Variants in NELL2 observed in about 807,000 individuals in gnomAD.
The protein encoded by NELL2 is neural EGFL like 2.
A neutral mutation model predicts 109.6 loss-of-function variants in NELL2; 41 were observed. The observed-to-expected ratio is 0.37, with a 90% CI of 0.29 to 0.49. The LOEUF (loss-of-function observed/expected upper bound fraction) is 0.49, where lower values mean the gene tolerates loss of function less well. Ranked by LOEUF, NELL2 falls within the 20% of genes least tolerant of loss-of-function variation. NELL2 has a pLI of 0.98. For synonymous variants in NELL2, 355 were observed against 344.7 expected, an observed-to-expected ratio of 1.03 and a Z score of -0.33; for missense variants, 900 against 1,008.3, an observed-to-expected ratio of 0.89 and a Z score of 1.45.
At chr12:44,768,586 C>G (rs1037058685) in intron 9 of NELL2, among the ~76,000 whole-genome samples, 1 of 152,052 alleles carries the variant, frequency 6.6e-6, no homozygotes, top group Admixed American at 6.6e-5. Flanking sequence ...TGAGAAAAGA[C>G]CGTCCAGACC....
chr12:44,902,878 C>T (rs756650505), intron 1 of NELL2, among the ~76,000 whole-genome samples: 20 of 152,152 alleles, frequency 1.3e-4, no homozygotes, highest in Non-Finnish European at 2.6e-4. Flanking sequence ...GTACCCCTTC[C>T]TTATACCTTA....
Position 44,825,556 on chromosome 12 carries a change from C to T in NELL2, c.185-9420G>A, listed in dbSNP as rs112775455. Among the ~76,000 whole-genome samples, 1,244 of 150,462 alleles carry T rather than the reference C, an allele frequency of 8.3e-3. 17 individuals are homozygous for T. Among genetic ancestry groups the T allele is most frequent in the African/African-American group, 0.028 (1,163 of 41,260 alleles). ...AGCTACAGGTGCGTGCCACCATGCCCAGCTAATTTTTGTATTTTTAGTAGA... is the reference window on the plus strand; with the variant it reads ...AGCTACAGGTGCGTGCCACCATGCCTAGCTAATTTTTGTATTTTTAGTAGA... On this transcript the variant is annotated intron_variant, in intron 2 of 19. Coordinates refer to ENST00000429094, the MANE Select transcript of NELL2 (RefSeq NM_001145108.2).
At chr12:44,848,481 G>A (rs1175488168) in intron 2 of NELL2, among the ~76,000 whole-genome samples, 1 of 152,052 alleles carries the variant, frequency 6.6e-6, no homozygotes, top group Non-Finnish European at 1.5e-5. Flanking sequence ...GCAACAGGTG[G>A]GCAAAGGATA....
intron 9 of NELL2, among the ~76,000 whole-genome samples, chr12:44,729,251 G>A (rs1939237199): frequency 6.6e-6 from 1 of 151,722 alleles, no homozygotes; most frequent in Non-Finnish European, 1.5e-5. Context: ...GAGTAAATAG[G>A]TATATGGAAA....
chr12:44,580,055 T>C (rs1324328003), intron 15 of NELL2, among the ~76,000 whole-genome samples: 8 of 152,210 alleles, frequency 5.3e-5, no homozygotes, highest in Admixed American at 2.6e-4. Flanking sequence ...TCAGAATTTT[T>C]CTTGGGATGG....
At chr12:44,547,036 T>C (rs1942825248) in intron 15 of NELL2, among the ~76,000 whole-genome samples, 1 of 152,158 alleles carries the variant, frequency 6.6e-6, no homozygotes, top group South Asian at 2.1e-4. Context: ...ATTTATATGG[T>C]GATAGGAGAC....
intron 3 of NELL2, among the ~76,000 whole-genome samples, chr12:44,784,610 A>G (rs1268370284): frequency 1.3e-5 from 2 of 152,176 alleles, no homozygotes; most frequent in African/African-American, 4.8e-5. Flanking sequence ...TCCCTGATCA[A>G]CATCCATGTG....
intron 16 of NELL2, among the ~76,000 whole-genome samples, chr12:44,528,463 A>G (rs571829840): frequency 6.6e-6 from 1 of 152,342 alleles, no homozygotes; most frequent in African/African-American, 2.4e-5. Flanking sequence ...CTACATATAC[A>G]TATCCAGTAT....
chr12:44,735,441 G>C (rs994622400), intron 9 of NELL2, among the ~76,000 whole-genome samples: 3 of 151,816 alleles, frequency 2.0e-5, no homozygotes, highest in African/African-American at 7.2e-5. Context: ...GAAAAACCAA[G>C]ATAACTGCTG....
At chr12:44,558,446 C>T (rs1565923083) in intron 15 of NELL2, among the ~76,000 whole-genome samples, 3 of 152,200 alleles carry the variant, frequency 2.0e-5, no homozygotes, top group Non-Finnish European at 4.4e-5. Context: ...TCTGCATTTC[C>T]AACTGAGGTA....
chr12:44,668,188 C>T (rs2136344587), intron 12 of NELL2, among the ~76,000 whole-genome samples: 1 of 152,278 alleles, frequency 6.6e-6, no homozygotes, highest in African/African-American at 2.4e-5. Flanking sequence ...CTAGTCCACA[C>T]AATGTCCTAC....
At chr12:44,809,220 C>T (rs1943095945) in intron 3 of NELL2, among the ~76,000 whole-genome samples, 1 of 151,936 alleles carries the variant, frequency 6.6e-6, no homozygotes. Context: ...AAGAAGGAAA[C>T]AGTTTCTTTG....
chr12:44,720,506 T>G (rs539432961), intron 9 of NELL2, among the ~76,000 whole-genome samples: 1 of 152,272 alleles, frequency 6.6e-6, no homozygotes, highest in African/African-American at 2.4e-5. Flanking sequence ...ATTTGAAACA[T>G]CTGAAATGGG....
At chr12:44,730,329 A>T (rs1167151378) in intron 9 of NELL2, among the ~76,000 whole-genome samples, 1 of 152,188 alleles carries the variant, frequency 6.6e-6, no homozygotes, top group Non-Finnish European at 1.5e-5. Flanking sequence ...CAACAGGAGC[A>T]GAATGTAAAT....
chr12:44,577,668 T>TG (rs1944157145), intron 15 of NELL2, among the ~76,000 whole-genome samples: 1 of 151,542 alleles, frequency 6.6e-6, no homozygotes, highest in African/African-American at 2.4e-5. Context: ...TTAGTAGAGA[T>TG]GGGGTTTCAC....
intron 9 of NELL2, among the ~76,000 whole-genome samples, chr12:44,771,165 T>C (rs750450630): frequency 1.4e-4 from 21 of 152,134 alleles, no homozygotes; most frequent in Non-Finnish European, 2.4e-4. Flanking sequence ...GTTTGCTAGT[T>C]GAGAGCCTGA....
intron 10 of NELL2, among the ~76,000 whole-genome samples, chr12:44,712,380 T>C (rs1938250716): frequency 6.6e-6 from 1 of 152,036 alleles, no homozygotes; most frequent in Admixed American, 6.6e-5. Context: ...ATGTATACAG[T>C]GGAGTCAAAC....
At chr12:44,864,440 T>G (rs1944931026) in intron 2 of NELL2, among the ~76,000 whole-genome samples, 1 of 152,102 alleles carries the variant, frequency 6.6e-6, no homozygotes, top group Non-Finnish European at 1.5e-5. Flanking sequence ...TCAAATAAAG[T>G]AGACTTTAAG....
At chr12:44,838,479 C>G (rs1422578372) in intron 2 of NELL2, among the ~76,000 whole-genome samples, 1 of 152,048 alleles carries the variant, frequency 6.6e-6, no homozygotes, top group African/African-American at 2.4e-5. Flanking sequence ...CTAGTTTAAA[C>G]AAGTTATTTA....
Sources: allele counts gnomAD v4.1 joint callset (sites outside exome capture counted in the v4.1 genomes callset), GRCh38; gene constraint gnomAD v4.1.1; transcripts MANE v1.5; gene names NCBI Gene and HGNC (gene_info 2026-07-23, HGNC 2026-07-21).